TNRC6B: variants seen among roughly 807,000 people sequenced by gnomAD.
The protein encoded by TNRC6B is trinucleotide repeat-containing gene 6B protein.
In TNRC6B, 52 loss-of-function variants were observed where a neutral mutation model predicts 203.6. That is an observed-to-expected ratio of 0.26 (90% CI 0.20 to 0.32). The LOEUF (loss-of-function observed/expected upper bound fraction) is 0.32. Ranked by LOEUF, TNRC6B falls within the 10% of genes least tolerant of loss-of-function variation. The pLI is 1.00. For synonymous variants in TNRC6B, 838 were observed against 845.7 expected (o/e 0.99, Z 0.16); for missense variants, 1,923 against 2,286.2 (o/e 0.84, Z 3.24).
intron 2 of TNRC6B, chr22:40,117,225 G>A (rs2068395681): frequency 2.6e-5 from 4 of 152,440 alleles, no homozygotes; most frequent in Non-Finnish European, 5.9e-5. Flanking sequence ...CTTTTACCAA[G>A]TTCTTACAGA....
chr22:40,153,556 A>G (rs1371841061), intron 3 of TNRC6B, among the ~76,000 whole-genome samples: 1 of 151,764 alleles, frequency 6.6e-6, no homozygotes, highest in African/African-American at 2.4e-5. Flanking sequence ...CTAGAAAAAA[A>G]AAAACAAAAA....
chr22:40,088,125 A>G (rs79505956), intron 1 of TNRC6B, among the ~76,000 whole-genome samples: 4 of 152,228 alleles, frequency 2.6e-5, no homozygotes, highest in Non-Finnish European at 5.9e-5. Flanking sequence ...ATGAACTCAT[A>G]AAAAGTTGTA....
At chr22:40,292,698 C>A (rs2070884716) in intron 12 of TNRC6B, among the ~76,000 whole-genome samples, 1 of 152,202 alleles carries the variant, frequency 6.6e-6, no homozygotes, top group Admixed American at 6.5e-5. Context: ...AGGTGTTTGC[C>A]TGGAGCCTAG....
chr22:40,149,714 G>A (rs995996905), intron 3 of TNRC6B, among the ~76,000 whole-genome samples: 1 of 150,936 alleles, frequency 6.6e-6, no homozygotes, highest in Non-Finnish European at 1.5e-5. Flanking sequence ...ATTAAAGAGG[G>A]GCATGATGAA....
intron 22 of TNRC6B, 57 bp from the exon 23 acceptor site, chr22:40,322,797 C>T: frequency 6.2e-7 from 1 of 1,604,528 alleles, no homozygotes; most frequent in Non-Finnish European, 8.5e-7. Flanking sequence ...GTCGCTCCCT[C>T]CGTATGCTTT....
At position 40,335,199 on chromosome 22, in the gene TNRC6B, G is replaced by T. The variant is rs1245413246; in HGVS notation, c.*11958G>T. The T allele has an allele frequency of 1.6e-5, 2 of 124,186 alleles. No homozygotes were observed. Among genetic ancestry groups the T allele is most frequent in the Admixed American group, 9.3e-5 (1 of 10,800 alleles). The allele number at this position is 124,186 out of a possible 1,614,324, so 7.7% of individuals were successfully genotyped here. A position where few individuals can be genotyped will look rare whatever the true frequency, so the allele number is the denominator to read the frequency against. On this transcript the variant is annotated 3_prime_UTR_variant, in exon 23 of 23. Coordinates refer to ENST00000454349, the MANE Select transcript of TNRC6B (RefSeq NM_001162501.2). ...TTTTTTTTTTTTTTTTAGCATAGAG[G>T]TTTAATCAAACTCCCATATGTTGAA...
chr22:40,075,722 TG>T (rs1305389434), intron 1 of TNRC6B, among the ~76,000 whole-genome samples: 2 of 152,202 alleles, frequency 1.3e-5, no homozygotes, highest in African/African-American at 4.8e-5. Context: ...GGCTTCTTTT[TG>T]ATTACTTTTT....
intron 2 of TNRC6B, among the ~76,000 whole-genome samples, chr22:40,121,647 A>T (rs117435305): frequency 2.0e-5 from 3 of 152,324 alleles, no homozygotes; most frequent in Non-Finnish European, 4.4e-5. Flanking sequence ...GTATGCTGAG[A>T]CTGCCTGCAC....
intron 3 of TNRC6B, among the ~76,000 whole-genome samples, chr22:40,146,208 T>C (rs536205734): frequency 5.9e-5 from 9 of 152,226 alleles, no homozygotes; most frequent in East Asian, 1.9e-4. Flanking sequence ...GCATTCGTGG[T>C]TGGGGAGACA....
intron 1 of TNRC6B, among the ~76,000 whole-genome samples, chr22:40,106,038 C>T (rs540543735): frequency 6.6e-6 from 1 of 152,134 alleles, no homozygotes; most frequent in South Asian, 2.1e-4. Context: ...GACTAGATGC[C>T]TTTTCCTATG....
At chr22:40,059,815 G>GTTT (rs764365612) in intron 1 of TNRC6B, among the ~76,000 whole-genome samples, 14 of 126,146 alleles carry the variant, frequency 1.1e-4, no homozygotes, top group Non-Finnish European at 1.4e-4. Context: ...ATAGAGTTTG[G>GTTT]TTTTTTTTTT....
intron 3 of TNRC6B, 30 bp from the exon 4 acceptor site, chr22:40,261,802 A>C: frequency 2.7e-6 from 4 of 1,470,202 alleles, no homozygotes; most frequent in Non-Finnish European, 3.6e-6. Context: ...GATGTATTTC[A>C]AAGACTGTTT....
chr22:40,290,773 T>C (rs2070859960), intron 12 of TNRC6B, among the ~76,000 whole-genome samples: 1 of 152,122 alleles, frequency 6.6e-6, no homozygotes, highest in African/African-American at 2.4e-5. Context: ...TGTTCACTGC[T>C]GGAGCCTGAG....
chr22:40,070,010 TTA>T (rs776802373), intron 1 of TNRC6B, among the ~76,000 whole-genome samples: 20 of 152,296 alleles, frequency 1.3e-4, no homozygotes, highest in Admixed American at 5.2e-4. Context: ...AGTGTTGTAT[TTA>T]TGTTTATTAA....
chr22:40,264,923 G>A lies in TNRC6B; in HGVS notation c.693G>A (p.Leu231=). The part of the protein sequence containing the change: ...ASNPGSEKST[L]PGSTTSNKGK... ...ACCCTGGCTCTGAGAAGAGCACTCT[G>A]CCAGGAAGCACCACTAGTAACAAAG... is the stretch of plus-strand genomic sequence containing the variant. The change falls in exon 5 of 23, where the codon CTG becomes CTA. Residue 231 remains leucine (L), a synonymous_variant. Coordinates refer to ENST00000454349, the MANE Select transcript of TNRC6B (RefSeq NM_001162501.2). 6.2e-7 allele frequency: 1 copy of A among 1,613,934 alleles called. No individual in the cohort carries two copies. Among genetic ancestry groups the A allele is most frequent in the Non-Finnish European group, 8.5e-7 (1 of 1,179,866 alleles).
chr22:40,272,799 C>A (rs900949454), intron 6 of TNRC6B, among the ~76,000 whole-genome samples: 4 of 152,154 alleles, frequency 2.6e-5, no homozygotes, highest in Non-Finnish European at 5.9e-5. Context: ...CGTATAAATT[C>A]TTTGCCTCTT....
chr22:40,281,399 T>C, intron 11 of TNRC6B, 110 bp downstream of exon 11: 1 of 879,540 alleles, frequency 1.1e-6, no homozygotes, highest in South Asian at 2.5e-5. Context: ...GATTACTGAA[T>C]GCACAGAATG....
intron 1 of TNRC6B, among the ~76,000 whole-genome samples, chr22:40,241,529 A>G (rs2070028820): frequency 6.6e-6 from 1 of 152,188 alleles, no homozygotes; most frequent in South Asian, 2.1e-4. Flanking sequence ...CTGAATGTGG[A>G]GTTGTCTGAT....
chr22:40,156,278 G>A (rs749255360), intron 4 of TNRC6B: 24 of 1,253,970 alleles, frequency 1.9e-5, no homozygotes, highest in African/African-American at 4.5e-5. Context: ...AGATGTATAC[G>A]TTGGAGACAT....
Sources: allele counts gnomAD v4.1 joint callset (sites outside exome capture counted in the v4.1 genomes callset), GRCh38; gene constraint gnomAD v4.1.1; transcripts MANE v1.5; gene names NCBI Gene and HGNC (gene_info 2026-07-23, HGNC 2026-07-21).